Variants in BICRAL observed in about 807,000 individuals in gnomAD.
The protein encoded by BICRAL is BICRA like chromatin remodeling complex associated protein.
BICRAL carries 8 observed loss-of-function variants against 91.8 expected under a neutral mutation model. The ratio of observed to expected loss-of-function variants is 0.09; its 90% confidence interval spans 0.05 to 0.16. The LOEUF (loss-of-function observed/expected upper bound fraction) is 0.16. BICRAL is among the 10% of genes least tolerant of loss of function. The pLI is 1.00. For synonymous variants in BICRAL, 445 were observed against 491.1 expected, an observed-to-expected ratio of 0.91 and a Z score of 1.24; for missense variants, 1,038 against 1,310.9, an observed-to-expected ratio of 0.79 and a Z score of 3.21.
chr6:42,747,809 T>TTG (rs1554273006), intron 1 of BICRAL, among the ~76,000 whole-genome samples: 6 of 145,036 alleles, frequency 4.1e-5, no homozygotes, highest in African/African-American at 1.3e-4. Flanking sequence ...TATTTTGTTT[T>TTG]TTTTTTTTTT....
At chr6:42,863,295 G>C (rs1000910243) in intron 12 of BICRAL, among the ~76,000 whole-genome samples, 2 of 152,088 alleles carry the variant, frequency 1.3e-5, no homozygotes, top group Non-Finnish European at 2.9e-5. Flanking sequence ...TGATCCGCCT[G>C]CCTTGGCCTC....
At chr6:42,788,139 A>ACTAGATAGG (rs1294665574) in intron 1 of BICRAL, among the ~76,000 whole-genome samples, 1 of 151,990 alleles carries the variant, frequency 6.6e-6, no homozygotes, top group Non-Finnish European at 1.5e-5. Flanking sequence ...AACAATGGGA[A>ACTAGATAGG]CTAGATAGGC....
Position 42,868,163 on chromosome 6 carries a change from A to C in BICRAL, c.*2717A>C, listed in dbSNP as rs1330466292. 6.6e-6 allele frequency: 1 copy of C among 152,306 alleles called. No homozygotes were observed. The highest frequency in any genetic ancestry group is 1.5e-5 in the Non-Finnish European group (1 of 67,988). 9.4% of individuals were successfully genotyped at this position (152,306 alleles called of 1,614,324 possible). ...CTTAAGTACTTCCTGAAGATGAAGCAAAATTTTAATCTGGCAATTATGAAA... is the reference window on the plus strand; with the variant it reads ...CTTAAGTACTTCCTGAAGATGAAGCCAAATTTTAATCTGGCAATTATGAAA... On this transcript the variant is annotated 3_prime_UTR_variant, in exon 13 of 13. Coordinates refer to ENST00000314073, the MANE Select transcript of BICRAL (RefSeq NM_001393499.1).
intron 6 of BICRAL, among the ~76,000 whole-genome samples, chr6:42,832,605 G>A (rs1036330995): frequency 2.5e-4 from 38 of 150,678 alleles, no homozygotes; most frequent in African/African-American, 9.3e-4. Context: ...GTGTGTGTGT[G>A]TGTTTGAAAT....
chr6:42,801,525 C>T (rs1763571661), intron 1 of BICRAL, among the ~76,000 whole-genome samples: 2 of 151,988 alleles, frequency 1.3e-5, no homozygotes, highest in African/African-American at 2.4e-5. Context: ...CAAAAATGTC[C>T]ATAGTCTGTA....
rs145473675 is a variant in BICRAL at position 42,795,163 on chromosome 6, G to C, written c.-102+13062G>C. Among the ~76,000 whole-genome samples, 1,034 of 152,274 alleles carry C rather than the reference G, an allele frequency of 6.8e-3. 17 individuals are homozygous for C. The highest frequency in any genetic ancestry group is 0.024 in the African/African-American group (989 of 41,562). The stretch of plus-strand genomic sequence containing the variant: ...AACGTGACAAAAAGTCGGGTGCGGT[G>C]GCTCACACCTGTAATCCCAGCACTT... On this transcript the variant is annotated intron_variant, in intron 1 of 12. Transcript: ENST00000314073.
rs1392844617 is a variant in BICRAL, at chr6:42,798,357, AAG to A, written c.-101-11946_-101-11945del. Among the ~76,000 whole-genome samples the A allele has an allele frequency of 4.0e-5, 6 of 151,402 alleles. No homozygotes were observed. The East Asian group carries it at 1.2e-3, about 29-fold the overall frequency. On this transcript the variant is annotated intron_variant, in intron 1 of 12. Transcript: ENST00000314073. ...ATCTAAAATTAAAATAAATCTAAAA[AAG>A]AGTCACATAAACTAGAAAAAGAAAA... is the stretch of plus-strand genomic sequence containing the variant.
At chr6:42,793,218 A>C (rs1409032224) in intron 1 of BICRAL, among the ~76,000 whole-genome samples, 16 of 113,942 alleles carry the variant, frequency 1.4e-4, no homozygotes, top group Non-Finnish European at 2.1e-4. Flanking sequence ...ATCTCAGCTC[A>C]CTGCAAGCTC....
At chr6:42,789,486 A>G (rs1763204109) in intron 1 of BICRAL, among the ~76,000 whole-genome samples, 2 of 152,208 alleles carry the variant, frequency 1.3e-5, no homozygotes, top group South Asian at 4.1e-4. Context: ...CTAAAAATAC[A>G]AAGAAAATAG....
intron 5 of BICRAL, 100 bp downstream of exon 5, chr6:42,823,103 C>T (rs1764191440): frequency 1.4e-6 from 1 of 704,062 alleles, no homozygotes; most frequent in Non-Finnish European, 2.5e-6. Flanking sequence ...AGAATCCTTA[C>T]CTTGTCTGTT....
chr6:42,853,022 G>A (rs1008121635), intron 7 of BICRAL, among the ~76,000 whole-genome samples: 2 of 142,828 alleles, frequency 1.4e-5, no homozygotes, highest in African/African-American at 5.2e-5. Flanking sequence ...CTATGATTGC[G>A]CCACTGCACT....
At chr6:42,767,070 T>A (rs1037393456) in intron 1 of BICRAL, among the ~76,000 whole-genome samples, 6 of 149,956 alleles carry the variant, frequency 4.0e-5, no homozygotes, top group Admixed American at 2.7e-4. Context: ...AAGAATAGAT[T>A]GAACCTGGGA....
At chr6:42,801,751 G>A (rs544843590) in intron 1 of BICRAL, among the ~76,000 whole-genome samples, 26 of 151,578 alleles carry the variant, frequency 1.7e-4, no homozygotes, top group Admixed American at 3.3e-4. Flanking sequence ...CTGTGGTGGC[G>A]CACACCTATA....
intron 8 of BICRAL, 151 bp from the exon 9 acceptor site, chr6:42,855,705 T>TTTTTTTTTTTTTTTTTTTTTG: frequency 1.6e-6 from 1 of 606,990 alleles, no homozygotes; most frequent in Non-Finnish European, 2.9e-6. Context: ...TACTGGTTTT[T>TTTTTTTTTTTTTTTTTTTTTG]TTTTTTTTAT....
intron 6 of BICRAL, among the ~76,000 whole-genome samples, chr6:42,847,631 T>C (rs1765054112): frequency 6.7e-6 from 1 of 149,112 alleles, no homozygotes; most frequent in Admixed American, 6.7e-5. Context: ...ATTAAAAAAT[T>C]AGCCAGGCAT....
At chr6:42,816,856 T>C (rs2113929688) in intron 2 of BICRAL, among the ~76,000 whole-genome samples, 1 of 151,414 alleles carries the variant, frequency 6.6e-6, no homozygotes, top group East Asian at 2.0e-4. Flanking sequence ...CTACTAAAAA[T>C]ACAAAAAATT....
At chr6:42,789,806 A>G (rs943022598) in intron 1 of BICRAL, among the ~76,000 whole-genome samples, 18 of 152,176 alleles carry the variant, frequency 1.2e-4, no homozygotes, top group African/African-American at 4.3e-4. Flanking sequence ...TAAGTCACCT[A>G]TAGACGTAGA....
At chr6:42,804,036 T>G (rs529357598) in intron 1 of BICRAL, among the ~76,000 whole-genome samples, 63 of 152,326 alleles carry the variant, frequency 4.1e-4, no homozygotes, top group Non-Finnish European at 7.6e-4. Context: ...TTGTTTGTTT[T>G]TTTGAGACGG....
At position 42,754,423 on chromosome 6, in the gene BICRAL, C is replaced by T. The variant is rs1047314289; in HGVS notation, c.-261+7400C>T. 1.0e-4 allele frequency among the ~76,000 whole-genome samples: 15 copies of T among 149,264 alleles called. No individual in the cohort carries two copies. The South Asian group carries it at 1.3e-3, about 13-fold the overall frequency. On this transcript the variant is annotated intron_variant, in intron 1 of 14. Transcript: ENST00000614467. ...TCCTGACCTTGTGATCCGCCCATCT[C>T]GGCCTCCCAAAGTGCTGGGATTACA... is the stretch of plus-strand genomic sequence containing the variant.
Sources: allele counts gnomAD v4.1 joint callset (sites outside exome capture counted in the v4.1 genomes callset), GRCh38; gene constraint gnomAD v4.1.1; transcripts MANE v1.5; gene names NCBI Gene and HGNC (gene_info 2026-07-23, HGNC 2026-07-21).